POU6F2: variants seen among roughly 807,000 people sequenced by gnomAD.
POU6F2 encodes POU domain, class 6, transcription factor 2.
A neutral mutation model predicts 71.3 loss-of-function variants in POU6F2; 31 were observed. The ratio of observed to expected loss-of-function variants is 0.43; its 90% confidence interval spans 0.33 to 0.59. The LOEUF is 0.59. Among genes scored for constraint, POU6F2 ranks in the 20% least tolerant of loss-of-function variants. The pLI is 0.04. For missense variants in POU6F2, 783 were observed against 856.8 expected (o/e 0.91, Z 1.07); for synonymous variants, 347 against 355.7 (o/e 0.98, Z 0.27).
Position 39,464,478 on chromosome 7 carries a change from A to G in POU6F2, c.1955A>G (p.Asn652Ser), listed in dbSNP as rs750038762. 1.5e-5 allele frequency: 25 copies of G among 1,613,860 alleles called. No homozygotes were observed. Among genetic ancestry groups the G allele is most frequent in the Non-Finnish European group, 1.7e-5 (20 of 1,179,868 alleles). ...ACACCCCAGGCCCTTGAGATCCTCA[A>G]TGCCCACTTTGAGAAGAACACACAC... ...SFTPQALEIL[N>S]AHFEKNTHPS... The change falls in exon 10 of 10, where the codon AAT becomes AGT. Residue 652 changes from asparagine (N) to serine (S), a missense_variant. Around this residue, in one of 2 missense-constraint regions of POU6F2, gnomAD observed 211 missense variants for 283.9 expected, o/e 0.74. Transcript: ENST00000518318. This position sits in a 1 kb window ranked among gnomAD's most constrained non-coding sequence, Gnocchi z 4.1.
chr7:39,280,438 T>C (rs1185505503), intron 4 of POU6F2, among the ~76,000 whole-genome samples: 1 of 152,198 alleles, frequency 6.6e-6, no homozygotes, highest in East Asian at 1.9e-4. Flanking sequence ...AATCTTAAAC[T>C]ATGCCACTAC....
At chr7:39,105,210 C>G (rs1309095365) in intron 2 of POU6F2, among the ~76,000 whole-genome samples, 1 of 152,134 alleles carries the variant, frequency 6.6e-6, no homozygotes, top group Non-Finnish European at 1.5e-5. Flanking sequence ...ATACATTTCT[C>G]TTTGGTAATA....
At chr7:39,410,007 C>T (rs1787520524) in intron 6 of POU6F2, among the ~76,000 whole-genome samples, 1 of 152,216 alleles carries the variant, frequency 6.6e-6, no homozygotes, top group South Asian at 2.1e-4. Context: ...AGAACAGGCA[C>T]TATTCAATAG....
intron 1 of POU6F2, among the ~76,000 whole-genome samples, chr7:39,081,604 G>A (rs1791119058): frequency 6.6e-6 from 1 of 152,222 alleles, no homozygotes. Flanking sequence ...GGGTGAAGCT[G>A]AATGCAAGCC....
intron 4 of POU6F2, among the ~76,000 whole-genome samples, chr7:39,301,612 A>G (rs543856871): frequency 1.6e-4 from 25 of 152,212 alleles, no homozygotes; most frequent in African/African-American, 5.5e-4. Context: ...CCCTGTCATG[A>G]ATTTTTTGGA....
rs776580788 is a variant in POU6F2, at chr7:39,364,662, G to A, written c.972+24647G>A. Reference sequence around the variant, plus strand: ...ATAACCACAGTTTCTTTATCCACTCGTTGATTGACGGGTATTTGGGGTGGT... The same window carrying A: ...ATAACCACAGTTTCTTTATCCACTCATTGATTGACGGGTATTTGGGGTGGT... On this transcript the variant is annotated intron_variant, in intron 5 of 9. Transcript: ENST00000518318. Among the ~76,000 whole-genome samples the A allele has an allele frequency of 2.5e-4, 38 of 152,110 alleles. No homozygotes were observed. The Middle Eastern group carries it at 0.014, about 54-fold the overall frequency.
chr7:39,442,061 C>T (rs191142455), intron 7 of POU6F2, among the ~76,000 whole-genome samples: 2 of 152,234 alleles, frequency 1.3e-5, no homozygotes, highest in African/African-American at 4.8e-5. Flanking sequence ...GATCCAACCA[C>T]GAAAACAAAC....
chr7:39,166,883 C>T (rs1270941330), intron 2 of POU6F2, among the ~76,000 whole-genome samples: 2 of 152,096 alleles, frequency 1.3e-5, no homozygotes, highest in South Asian at 4.2e-4. Context: ...GGGGTTTTCC[C>T]GTAGACTAAT....
chr7:39,179,525 ACATGCGCG>A (rs1239321730), intron 2 of POU6F2, among the ~76,000 whole-genome samples: 1 of 151,924 alleles, frequency 6.6e-6, no homozygotes, highest in African/African-American at 2.4e-5. Flanking sequence ...GCACGCGCGC[ACATGCGCG>A]CACACACACA....
chr7:39,417,152 G>A (rs1347523170), intron 6 of POU6F2, among the ~76,000 whole-genome samples: 1 of 152,042 alleles, frequency 6.6e-6, no homozygotes, highest in Middle Eastern at 3.2e-3. Context: ...GAGCATTATC[G>A]GAGAGGAGAA....
chr7:39,384,212 C>T (rs1008420514), intron 5 of POU6F2, among the ~76,000 whole-genome samples: 2 of 152,148 alleles, frequency 1.3e-5, no homozygotes, highest in African/African-American at 4.8e-5. Flanking sequence ...GGTCGTGGCT[C>T]ATAAAATAAT....
intron 1 of POU6F2, among the ~76,000 whole-genome samples, chr7:39,064,575 A>G (rs1344378307): frequency 6.6e-6 from 1 of 151,970 alleles, no homozygotes; most frequent in Admixed American, 6.6e-5. Flanking sequence ...AATAATAATA[A>G]AACTACAAAA....
At chr7:39,325,177 G>A (rs192942447) in intron 4 of POU6F2, among the ~76,000 whole-genome samples, 2 of 152,242 alleles carry the variant, frequency 1.3e-5, no homozygotes, top group East Asian at 3.9e-4. Flanking sequence ...TCTGGCAAAG[G>A]TATATTTTTA....
At chr7:39,056,852 A>G (rs1302922277) in intron 1 of POU6F2, among the ~76,000 whole-genome samples, 21 of 152,132 alleles carry the variant, frequency 1.4e-4, no homozygotes, top group African/African-American at 4.3e-4. Context: ...TCACAAGCTG[A>G]CAATACAGAA....
At chr7:39,225,516 C>T (rs1036857562) in intron 4 of POU6F2, among the ~76,000 whole-genome samples, 1 of 152,072 alleles carries the variant, frequency 6.6e-6, no homozygotes, top group Non-Finnish European at 1.5e-5. Flanking sequence ...ACCTGGATTT[C>T]GAAGCATGTT....
intron 4 of POU6F2, among the ~76,000 whole-genome samples, chr7:39,302,567 A>G (rs923627845): frequency 5.3e-5 from 8 of 152,242 alleles, no homozygotes; most frequent in Admixed American, 1.3e-4. Flanking sequence ...GATAGAGGCT[A>G]TGTCTTATCA....
chr7:39,015,017 C>T (rs779526102), intron 1 of POU6F2, among the ~76,000 whole-genome samples: 5 of 151,738 alleles, frequency 3.3e-5, no homozygotes, highest in African/African-American at 4.8e-5. Context: ...CTCGTGGTCT[C>T]CATTCAGATG....
intron 2 of POU6F2, among the ~76,000 whole-genome samples, chr7:39,138,819 A>AT (rs1792438201): frequency 6.6e-6 from 1 of 152,132 alleles, no homozygotes; most frequent in Admixed American, 6.5e-5. Context: ...GGTCCCTGGG[A>AT]TTGCTGATTT....
intron 4 of POU6F2, among the ~76,000 whole-genome samples, chr7:39,297,399 G>C (rs1784869814): frequency 6.6e-6 from 1 of 152,150 alleles, no homozygotes; most frequent in African/African-American, 2.4e-5. Flanking sequence ...TTTAACAAGT[G>C]ATGACGTGGG....
Sources: gnomAD v4.1 joint callset for allele counts (sites outside exome capture counted in the v4.1 genomes callset) on GRCh38, gnomAD v4.1.1 for gene constraint, gnomAD v4.1.1 regional missense constraint, Gnocchi (gnomAD v3.1) non-coding constraint, MANE v1.5 for transcripts, NCBI Gene and HGNC (gene_info 2026-07-23, HGNC 2026-07-21) for gene names.